The following CENPP variants were observed in gnomAD, a reference collection of about 807,000 sequenced individuals.
The protein encoded by CENPP is centromere protein P.
A neutral mutation model predicts 35.6 loss-of-function variants in CENPP; 24 were observed. The ratio of observed to expected loss-of-function variants is 0.67; its 90% CI spans 0.49 to 0.95. CENPP has a LOEUF of 0.95. Among genes scored for constraint, CENPP ranks in the 40% least tolerant of loss-of-function variants. The pLI is 0.00. For synonymous variants in CENPP, 120 were observed against 125.5 expected (o/e 0.96, Z 0.29); for missense variants, 332 against 345.3 (o/e 0.96, Z 0.31).
intron 4 of CENPP, among the ~76,000 whole-genome samples, chr9:92,352,961 A>G (rs567648256): frequency 1.6e-4 from 24 of 152,212 alleles, no homozygotes; most frequent in Non-Finnish European, 1.8e-4. Context: ...ACCCATACAC[A>G]TCTCCTAAGA....
At chr9:92,417,442 G>A (rs954327571) in intron 5 of CENPP, 3 of 1,613,784 alleles carry the variant, frequency 1.9e-6, no homozygotes, top group East Asian at 2.2e-5. Context: ...ATCCTGTTTG[G>A]TAATCATCAT....
At chr9:92,442,598 C>T (rs1844439212) in intron 5 of CENPP, among the ~76,000 whole-genome samples, 1 of 151,830 alleles carries the variant, frequency 6.6e-6, no homozygotes, top group Non-Finnish European at 1.5e-5. Context: ...GCCTGTAATC[C>T]TAGCACTTTG....
intron 5 of CENPP, among the ~76,000 whole-genome samples, chr9:92,505,113 A>G (rs977205462): frequency 1.3e-5 from 2 of 152,130 alleles, no homozygotes; most frequent in African/African-American, 2.4e-5. Flanking sequence ...GTTAGGTCAG[A>G]GTGTCTGTGG....
chr9:92,345,642 T>G, intron 3 of CENPP, 57 bp from the exon 4 acceptor site: 1 of 901,910 alleles, frequency 1.1e-6, no homozygotes, highest in East Asian at 2.5e-5. Context: ...TCAAAAGTAT[T>G]TTTGTCTTTT....
chr9:92,619,718 CAGG>C lies in CENPP; in HGVS notation c.*6573_*6575del. 5 of 684,752 alleles carry C rather than the reference CAGG, an allele frequency of 7.3e-6. No individual in the cohort carries two copies. Among genetic ancestry groups the C allele is most frequent in the South Asian group, 5.2e-5 (3 of 58,064 alleles). The allele number at this position is 684,752 out of a possible 1,614,324, so 42.4% of individuals were successfully genotyped here. ...CGAGGGCCACGGTGAGCACGGGCGT[CAGG>C]AGGTCGCCCTGTGAGAGCACCTGGG... On this transcript the variant is annotated 3_prime_UTR_variant, in exon 8 of 8. Transcript: ENST00000375587.
intron 5 of CENPP, chr9:92,416,637 G>A (rs768746767): frequency 1.3e-6 from 2 of 1,554,260 alleles, no homozygotes; most frequent in Admixed American, 2.0e-5. Context: ...TCATTATTTT[G>A]TAGGTATAGG....
At chr9:92,380,849 A>T (rs1842225595) in intron 5 of CENPP, among the ~76,000 whole-genome samples, 1 of 152,196 alleles carries the variant, frequency 6.6e-6, no homozygotes, top group South Asian at 2.1e-4. Flanking sequence ...TGAATGGGTG[A>T]TGGAAAATGG....
In CENPP at chr9:92,613,079, T is replaced by C. The variant is rs762169252; in HGVS notation, c.797T>C (p.Val266Ala). 1.9e-6 allele frequency: 3 copies of C among 1,614,150 alleles called. No homozygotes were observed. The highest frequency in any genetic ancestry group is 1.1e-5 in the South Asian group (1 of 91,078). ...GCTCCTCTCAGCTTCCGAACCCTGG[T>C]AGGACTGCTTGGAATCGAAGCTGCT... The part of the protein sequence containing the change: ...ETAPLSFRTL[V>A]GLLGIEAALE... Residue 266 changes from valine (V) to alanine (A), a missense_variant, in exon 8 of 8, where the codon GTA becomes GCA. By Grantham distance (64) the Val-to-Ala change is moderately conservative. Transcript: ENST00000375587.
intron 5 of CENPP, among the ~76,000 whole-genome samples, chr9:92,434,846 G>GTTCA (rs1443686103): frequency 6.6e-6 from 1 of 152,128 alleles, no homozygotes; most frequent in African/African-American, 2.4e-5. Flanking sequence ...AGTTCAAGAA[G>GTTCA]TTCAAGACCA....
At chr9:92,567,373 G>GATATATATATATATATATATATAGAT (rs1850004327) in intron 5 of CENPP, among the ~76,000 whole-genome samples, 3 of 129,090 alleles carry the variant, frequency 2.3e-5, no homozygotes, top group African/African-American at 5.6e-5. Flanking sequence ...ACATAAGATA[G>GATATATATATATATATATATATAGAT]ATATATATAT....
rs1564024306 is a variant in CENPP at position 92,615,873 on chromosome 9, T to C, written c.*2724T>C. 1 of 1,614,194 alleles carries C rather than the reference T, an allele frequency of 6.2e-7. No homozygotes were observed. Among genetic ancestry groups the C allele is most frequent in the Admixed American group, 1.7e-5 (1 of 60,034 alleles). On this transcript the variant is annotated 3_prime_UTR_variant, in exon 8 of 8. Coordinates refer to ENST00000375587, the MANE Select transcript of CENPP (RefSeq NM_001012267.3). ...ACTAATGTGCAATCTTCGCTTTCCT[T>C]GAACCGAGTCGACATCACGGCGTTG... is the stretch of plus-strand genomic sequence containing the variant.
At chr9:92,376,432 C>G (rs908648951) in intron 4 of CENPP, among the ~76,000 whole-genome samples, 1 of 152,130 alleles carries the variant, frequency 6.6e-6, no homozygotes, top group Non-Finnish European at 1.5e-5. Flanking sequence ...AAAACCAGGA[C>G]ATGAACACAC....
intron 5 of CENPP, among the ~76,000 whole-genome samples, chr9:92,581,624 A>C (rs1850428143): frequency 6.6e-6 from 1 of 152,224 alleles, no homozygotes; most frequent in Non-Finnish European, 1.5e-5. Context: ...AGTGAAATAA[A>C]GAGAATGTTA....
chr9:92,586,795 G>A (rs1850551369), intron 5 of CENPP, among the ~76,000 whole-genome samples: 2 of 152,052 alleles, frequency 1.3e-5, no homozygotes, highest in African/African-American at 4.8e-5. Context: ...CCACACACAA[G>A]CAGGAATACA....
chr9:92,397,663 G>C (rs2130917042), intron 5 of CENPP, among the ~76,000 whole-genome samples: 1 of 152,278 alleles, frequency 6.6e-6, no homozygotes, highest in Middle Eastern at 3.4e-3. Context: ...AATGGTATTA[G>C]AAACCAAGAT....
chr9:92,581,665 C>T (rs1490980105), intron 5 of CENPP, among the ~76,000 whole-genome samples: 2 of 152,046 alleles, frequency 1.3e-5, no homozygotes, highest in East Asian at 3.9e-4. Context: ...AATTTACCTC[C>T]AATAGACACA....
At chr9:92,567,373 G>GATAGATATATATATATATATATATAT (rs1554688237) in intron 5 of CENPP, among the ~76,000 whole-genome samples, 7 of 129,084 alleles carry the variant, frequency 5.4e-5, no homozygotes, top group Non-Finnish European at 6.6e-5. Flanking sequence ...ACATAAGATA[G>GATAGATATATATATATATATATATAT]ATATATATAT....
At chr9:92,411,499 T>C (rs1041496569) in intron 5 of CENPP, among the ~76,000 whole-genome samples, 5 of 151,466 alleles carry the variant, frequency 3.3e-5, no homozygotes, top group African/African-American at 1.2e-4. Flanking sequence ...TTCACCATGT[T>C]GCCCAGGCTG....
intron 5 of CENPP, among the ~76,000 whole-genome samples, chr9:92,510,691 T>C (rs1483551758): frequency 2.0e-5 from 3 of 152,214 alleles, no homozygotes; most frequent in Non-Finnish European, 4.4e-5. Flanking sequence ...TAAAGTCCCA[T>C]GGAATGATTC....
Sources: gnomAD v4.1 joint callset for allele counts (sites outside exome capture counted in the v4.1 genomes callset) on GRCh38, gnomAD v4.1.1 for gene constraint, MANE v1.5 for transcripts, NCBI Gene and HGNC (gene_info 2026-07-23, HGNC 2026-07-21) for gene names.